Variants in ETFA observed in about 807,000 individuals in gnomAD.
The protein encoded by ETFA is electron transfer flavoprotein subunit alpha, mitochondrial.
In ETFA, 22 loss-of-function variants were observed where a neutral mutation model predicts 46.2. The ratio of observed to expected loss-of-function variants is 0.48; its 90% CI spans 0.34 to 0.68. The LOEUF is 0.68. Among genes scored for constraint, ETFA ranks in the 30% least tolerant of loss-of-function variants. The pLI is 0.01. For missense variants in ETFA, 345 were observed against 401.1 expected (o/e 0.86, Z 1.19); for synonymous variants, 131 against 139.9 (o/e 0.94, Z 0.45).
At chr15:76,261,127 C>A (rs887286759) in intron 9 of ETFA, 21 of 1,520,976 alleles carry the variant, frequency 1.4e-5, no homozygotes, top group Non-Finnish European at 1.8e-5. Flanking sequence ...CTGGGTCACC[C>A]CTGTTACATT....
chr15:76,241,599 G>C (rs2039189624), intron 9 of ETFA, among the ~76,000 whole-genome samples: 1 of 151,702 alleles, frequency 6.6e-6, no homozygotes, highest in African/African-American at 2.4e-5. Context: ...AGGAGATCCA[G>C]ACCATCCTGG....
intron 11 of ETFA, among the ~76,000 whole-genome samples, chr15:76,223,195 A>C (rs1289361195): frequency 6.7e-6 from 1 of 150,078 alleles, no homozygotes; most frequent in African/African-American, 2.4e-5. Flanking sequence ...AATCAAATAC[A>C]TATATAACTG....
At chr15:76,234,729 CAAG>C (rs1310095872) in intron 9 of ETFA, among the ~76,000 whole-genome samples, 3 of 152,032 alleles carry the variant, frequency 2.0e-5, no homozygotes, top group Non-Finnish European at 2.9e-5. Flanking sequence ...TCTGTGATGC[CAAG>C]AATAGGGGCT....
At chr15:76,290,373 G>A (rs1407153393) in intron 4 of ETFA, among the ~76,000 whole-genome samples, 10 of 103,840 alleles carry the variant, frequency 9.6e-5, no homozygotes, top group Non-Finnish European at 1.8e-5. Flanking sequence ...GTGTTGCTCT[G>A]TCACCCTGGA....
intron 1 of ETFA, among the ~76,000 whole-genome samples, chr15:76,305,483 C>T (rs567450329): frequency 3.3e-5 from 5 of 152,312 alleles, no homozygotes; most frequent in African/African-American, 1.2e-4. Flanking sequence ...CTAAAACAGA[C>T]ACACCATCAT....
In ETFA at chr15:76,288,011, A is replaced by G; in HGVS notation, c.352-66T>C. ...TGATGGAAGACTATAAATGATCAGT[A>G]ATGACATATTCTAAATGCATATTCT... On this transcript the variant is annotated intron_variant, in intron 4 of 11. Coordinates refer to ENST00000557943, the MANE Select transcript of ETFA (RefSeq NM_000126.4). The G allele has an allele frequency of 5.0e-6, 5 of 999,498 alleles. No homozygotes were observed. In the South Asian group the frequency reaches 6.4e-5, roughly 13 times the overall value. The allele number at this position is 999,498 out of a possible 1,614,324, so 61.9% of individuals were successfully genotyped here. A position where few individuals can be genotyped will look rare whatever the true frequency, so the allele number is the denominator to read the frequency against.
rs559002420 is a variant in ETFA at position 76,271,148 on chromosome 15, C to T, written c.816+3264G>A. Among the ~76,000 whole-genome samples, 10 of 136,740 alleles carry T rather than the reference C, an allele frequency of 7.3e-5. No individual in the cohort carries two copies. In the South Asian group the frequency reaches 1.6e-3, roughly 22 times the overall value. 89.7% of individuals were successfully genotyped at this position (136,740 alleles called of 152,430 possible). A position where few individuals can be genotyped will look rare whatever the true frequency, so the allele number is the denominator to read the frequency against. ...TCACACCACTGCACTCCAGCCTCAG[C>T]GACAGAGCGAGACTATGTCTCAAAA... On this transcript the variant is annotated intron_variant, in intron 9 of 11. Coordinates refer to ENST00000557943, the MANE Select transcript of ETFA (RefSeq NM_000126.4).
chr15:76,216,569 T>C lies in ETFA; in HGVS notation c.992A>G (p.Lys331Arg). The C allele has an allele frequency of 6.3e-7, 1 of 1,585,842 alleles. No homozygotes were observed. Among genetic ancestry groups the C allele is most frequent in the South Asian group, 1.1e-5 (1 of 90,394 alleles). The change falls in exon 12 of 12, where the codon AAG (lysine) becomes AGG (arginine). Residue 331 changes from lysine to arginine, a missense_variant. Lys to Arg is a conservative substitution (Grantham distance 26). Coordinates refer to ENST00000557943, the MANE Select transcript of ETFA (RefSeq NM_000126.4). Reference sequence around the variant, plus strand: ...AGGCATGATCCTGATTCATTTTTTCTTCAATATCTCAGTCATTTCAGGAAC... The same window carrying C: ...AGGCATGATCCTGATTCATTTTTTCCTCAATATCTCAGTCATTTCAGGAAC... ...KVVPEMTEIL[K>R]KK is the part of the protein sequence containing the mutation.
intron 9 of ETFA, among the ~76,000 whole-genome samples, chr15:76,241,616 C>T (rs1027309563): frequency 4.2e-4 from 63 of 150,804 alleles, no homozygotes; most frequent in Admixed American, 1.3e-3. Context: ...CTGGCCAACA[C>T]GGTGAAACTC....
Position 76,272,813 on chromosome 15 carries a change from C to T in ETFA, c.816+1599G>A, listed in dbSNP as rs372862212. Among the ~76,000 whole-genome samples the T allele has an allele frequency of 3.8e-3, 519 of 137,200 alleles. 4 individuals are homozygous for T. Among genetic ancestry groups the T allele is most frequent in the South Asian group, 0.012 (54 of 4,458 alleles). The allele number at this position is 137,200 out of a possible 152,430, so 90.0% of individuals were successfully genotyped here. On this transcript the variant is annotated intron_variant, in intron 9 of 11. Coordinates refer to ENST00000557943, the MANE Select transcript of ETFA (RefSeq NM_000126.4). Reference sequence around the variant, plus strand: ...AAGACCCTGTCTCTTAAAATATATACATATATATATATATATATGCGCATG... The same window carrying T: ...AAGACCCTGTCTCTTAAAATATATATATATATATATATATATATGCGCATG...
intron 9 of ETFA, chr15:76,260,808 C>T (rs774896563): frequency 3.7e-6 from 6 of 1,607,752 alleles, no homozygotes; most frequent in East Asian, 2.2e-5. Flanking sequence ...AGCATTGGCA[C>T]AGCACACCCT....
intron 11 of ETFA, among the ~76,000 whole-genome samples, chr15:76,219,579 G>A (rs1030165455): frequency 6.6e-6 from 1 of 152,200 alleles, no homozygotes; most frequent in African/African-American, 2.4e-5. Flanking sequence ...TCATATCTCT[G>A]ATAAGTGTTT....
chr15:76,255,115 G>C (rs2039336082), intron 9 of ETFA, among the ~76,000 whole-genome samples: 1 of 152,012 alleles, frequency 6.6e-6, no homozygotes, highest in Non-Finnish European at 1.5e-5. Flanking sequence ...TGCTGAAAAA[G>C]ATGAAACCGA....
intron 1 of ETFA, among the ~76,000 whole-genome samples, chr15:76,297,228 C>T (rs1325018187): frequency 1.3e-5 from 2 of 152,064 alleles, no homozygotes; most frequent in African/African-American, 4.8e-5. Context: ...AATACCATAC[C>T]TGTTTATATT....
intron 9 of ETFA, among the ~76,000 whole-genome samples, chr15:76,234,381 A>G (rs1240841260): frequency 6.6e-6 from 1 of 152,176 alleles, no homozygotes; most frequent in East Asian, 1.9e-4. Context: ...AATAATAATA[A>G]TTAGTATACA....
intron 11 of ETFA, among the ~76,000 whole-genome samples, chr15:76,219,376 T>C (rs896194423): frequency 6.6e-6 from 1 of 152,122 alleles, no homozygotes; most frequent in African/African-American, 2.4e-5. Flanking sequence ...AAAACTCTTA[T>C]AAGAAAACAG....
chr15:76,265,371 A>C (rs563937399), intron 9 of ETFA, among the ~76,000 whole-genome samples: 1 of 152,348 alleles, frequency 6.6e-6, no homozygotes, highest in South Asian at 2.1e-4. Flanking sequence ...TAAAACTAGG[A>C]AGCAGCACAG....
intron 4 of ETFA, 134 bp from the exon 5 acceptor site, chr15:76,288,079 T>C (rs1052435549): frequency 1.5e-5 from 10 of 672,478 alleles, no homozygotes; most frequent in South Asian, 1.4e-4. Context: ...GTGTGCACCT[T>C]TGGATACACA....
chr15:76,243,277 AAAAG>A (rs796722146), intron 9 of ETFA, among the ~76,000 whole-genome samples: 2 of 152,060 alleles, frequency 1.3e-5, no homozygotes, highest in African/African-American at 4.8e-5. Flanking sequence ...TCTCAAAAAA[AAAAG>A]AAAAGAAAAA....
Sources: allele counts gnomAD v4.1 joint callset (sites outside exome capture counted in the v4.1 genomes callset), GRCh38; gene constraint gnomAD v4.1.1; transcripts MANE v1.5; gene names NCBI Gene and HGNC (gene_info 2026-07-23, HGNC 2026-07-21).